The following XKR9 variants were observed in gnomAD, a reference collection of about 807,000 sequenced individuals.
XKR9 encodes the protein XK-related protein 9.
A neutral mutation model predicts 32.0 loss-of-function variants in XKR9; 32 were observed. The observed-to-expected ratio is 1.00, with a 90% CI of 0.76 to 1.34. The LOEUF (loss-of-function observed/expected upper bound fraction) is 1.34, where lower values mean the gene tolerates loss of function less well. XKR9 is among the 40% of genes most tolerant of loss of function. The pLI is 0.00. For missense variants in XKR9, 546 were observed against 429.7 expected (o/e 1.27, Z -2.39); for synonymous variants, 168 against 143.4 (o/e 1.17, Z -1.22).
intron 3 of XKR9, among the ~76,000 whole-genome samples, chr8:70,789,649 A>G (rs1329372024): frequency 6.6e-6 from 1 of 152,108 alleles, no homozygotes; most frequent in Non-Finnish European, 1.5e-5. Context: ...ATTGGCCATT[A>G]TATAGAAATC....
chr8:70,853,476 C>G, the XKR9 span, among the ~76,000 whole-genome samples: 1 of 151,518 alleles, frequency 6.6e-6, no homozygotes, highest in South Asian at 2.1e-4. Context: ...ATACATCTAC[C>G]TATACATCTA....
At chr8:70,819,220 T>A in the XKR9 span, among the ~76,000 whole-genome samples, 1 of 152,214 alleles carries the variant, frequency 6.6e-6, no homozygotes, top group Admixed American at 6.5e-5. Context: ...CCCCTTTGTG[T>A]CTAACTTATT....
the XKR9 span, among the ~76,000 whole-genome samples, chr8:70,822,232 A>G: frequency 6.6e-6 from 1 of 152,108 alleles, no homozygotes; most frequent in Non-Finnish European, 1.5e-5. Flanking sequence ...GTATCACATA[A>G]CATTTATTTT....
chr8:70,744,867 A>G (rs545816746), intron 2 of XKR9, among the ~76,000 whole-genome samples: 2 of 149,412 alleles, frequency 1.3e-5, no homozygotes, highest in African/African-American at 4.9e-5. Context: ...CGGCCTCCCA[A>G]AGTGCTGGGA....
At chr8:70,775,995 C>A (rs1158760885) in intron 2 of XKR9, among the ~76,000 whole-genome samples, 1 of 152,132 alleles carries the variant, frequency 6.6e-6, no homozygotes, top group African/African-American at 2.4e-5. Flanking sequence ...ATCCTCCCAT[C>A]TCAGCCTCCC....
the XKR9 span, among the ~76,000 whole-genome samples, chr8:70,822,149 A>G: frequency 5.3e-5 from 8 of 152,328 alleles, no homozygotes; most frequent in African/African-American, 1.9e-4. Flanking sequence ...CTAACCCATT[A>G]CTCAATTGTA....
the XKR9 span, among the ~76,000 whole-genome samples, chr8:70,821,883 G>A: frequency 9.2e-5 from 14 of 152,260 alleles, no homozygotes; most frequent in East Asian, 2.1e-3. Flanking sequence ...GGTCTCTGAT[G>A]TGCTCTGGAG....
At chr8:70,845,716 G>A in the XKR9 span, among the ~76,000 whole-genome samples, 1 of 152,026 alleles carries the variant, frequency 6.6e-6, no homozygotes, top group Admixed American at 6.5e-5. Context: ...TGCAAAGATA[G>A]GTCTTTCCTT....
intron 2 of XKR9, among the ~76,000 whole-genome samples, chr8:70,747,083 A>G (rs1807068912): frequency 6.6e-6 from 1 of 152,160 alleles, no homozygotes. Flanking sequence ...TGCAGAGGAC[A>G]TGATTTTGTT....
chr8:70,690,638 C>T (rs550397065), intron 3 of XKR9, among the ~76,000 whole-genome samples: 63 of 151,824 alleles, frequency 4.1e-4, no homozygotes, highest in African/African-American at 7.5e-4. Context: ...CGTGAGCCAC[C>T]GTGCCTGGCC....
At chr8:70,892,094 A>C in the XKR9 span, among the ~76,000 whole-genome samples, 1 of 152,118 alleles carries the variant, frequency 6.6e-6, no homozygotes, top group East Asian at 1.9e-4. Context: ...TTTGGTTTCC[A>C]TTTGCATGGA....
the XKR9 span, among the ~76,000 whole-genome samples, chr8:70,881,576 T>C: frequency 6.6e-6 from 1 of 152,140 alleles, no homozygotes; most frequent in Non-Finnish European, 1.5e-5. Flanking sequence ...TAACATCTCA[T>C]GCCAGTTAGA....
intron 2 of XKR9, among the ~76,000 whole-genome samples, chr8:70,770,395 C>G (rs1807437830): frequency 1.3e-5 from 2 of 152,094 alleles, no homozygotes; most frequent in African/African-American, 4.8e-5. Flanking sequence ...GCTCGGAGGT[C>G]TCTTTCAGTC....
the XKR9 span, among the ~76,000 whole-genome samples, chr8:70,899,228 T>C: frequency 1.3e-5 from 2 of 152,150 alleles, no homozygotes; most frequent in Non-Finnish European, 1.5e-5. Flanking sequence ...TTTCTTTAAG[T>C]TTATCCTATT....
the XKR9 span, among the ~76,000 whole-genome samples, chr8:71,064,208 G>A: frequency 6.6e-6 from 1 of 151,930 alleles, no homozygotes; most frequent in Admixed American, 6.6e-5. Flanking sequence ...TTAATTTTTT[G>A]AAGTACTTGA....
the XKR9 span, among the ~76,000 whole-genome samples, chr8:70,903,080 G>A: frequency 2.6e-5 from 4 of 152,084 alleles, no homozygotes; most frequent in Non-Finnish European, 1.5e-5. Context: ...TGTTCATTAG[G>A]GATATTGGTC....
chr8:70,852,845 T>C, the XKR9 span, among the ~76,000 whole-genome samples: 63 of 152,084 alleles, frequency 4.1e-4, no homozygotes, highest in African/African-American at 1.5e-3. Flanking sequence ...CTGGGGTCCA[T>C]TGGCAGGTGG....
chr8:70,867,361 A>G, the XKR9 span, among the ~76,000 whole-genome samples: 1 of 152,184 alleles, frequency 6.6e-6, no homozygotes, highest in Non-Finnish European at 1.5e-5. Flanking sequence ...CAGCCAAACC[A>G]TATCATTCTG....
chr8:70,851,350 A>G, the XKR9 span, among the ~76,000 whole-genome samples: 1 of 152,250 alleles, frequency 6.6e-6, no homozygotes, highest in East Asian at 1.9e-4. Flanking sequence ...GAAAATGGCC[A>G]TACTGCCCAA....
Sources: gnomAD v4.1 joint callset for allele counts (sites outside exome capture counted in the v4.1 genomes callset) on GRCh38, gnomAD v4.1.1 for gene constraint, MANE v1.5 for transcripts, NCBI Gene and HGNC (gene_info 2026-07-23, HGNC 2026-07-21) for gene names.